ADGRD1: variants seen among roughly 807,000 people sequenced by gnomAD.
ADGRD1 encodes G-protein coupled receptor 133.
A neutral mutation model predicts 113.4 loss-of-function variants in ADGRD1; 77 were observed. The observed-to-expected ratio is 0.68, with a 90% CI of 0.57 to 0.82. ADGRD1 has a LOEUF of 0.82. Ranked by LOEUF, ADGRD1 falls within the 40% of genes least tolerant of loss-of-function variation. The pLI, the probability that ADGRD1 is intolerant of heterozygous loss-of-function variation, is 0.00. For missense variants in ADGRD1, 1,036 were observed against 1,139.1 expected (o/e 0.91, Z 1.30); for synonymous variants, 474 against 475.0 (o/e 1.00, Z 0.03).
At chr12:131,097,381 C>T (rs1400509372) in intron 15 of ADGRD1, among the ~76,000 whole-genome samples, 1 of 140,670 alleles carries the variant, frequency 7.1e-6, no homozygotes, top group Non-Finnish European at 1.5e-5. Flanking sequence ...CGGGGAAGAT[C>T]TCCTGCCTGT....
At chr12:130,963,211 T>C (rs1320002218) in intron 2 of ADGRD1, among the ~76,000 whole-genome samples, 1 of 150,294 alleles carries the variant, frequency 6.7e-6, no homozygotes, top group East Asian at 2.0e-4. Context: ...TCCCAGCTAC[T>C]TGGGAAGCTG....
At chr12:131,089,940 A>C (rs1569020) in intron 15 of ADGRD1, among the ~76,000 whole-genome samples, 14,147 of 152,318 alleles carry the variant, frequency 0.093, 727 homozygotes, top group Middle Eastern at 0.13. Flanking sequence ...ACTAAAGCCC[A>C]GTGTGACTTC....
intron 13 of ADGRD1, chr12:131,069,867 A>C (rs1566081467): frequency 6.6e-6 from 1 of 152,254 alleles, no homozygotes; most frequent in South Asian, 2.1e-4. Context: ...TAGCCTAATG[A>C]GTGAAAATTA....
At position 130,987,247 on chromosome 12, in the gene ADGRD1, G is replaced by A; in HGVS notation, c.643G>A (p.Asp215Asn). ...CAACCTCGTGATAGGGTCTGAGCAG[G>A]ACCAGGCCAAGTGTTATGAGAACGG... The part of the protein sequence containing the change: ...NVNLVIGSEQ[D>N]QAKCYENGAF... Residue 215 changes from aspartate (D) to asparagine (N), a missense_variant, in exon 6 of 25, where the codon GAC (aspartate) becomes AAC (asparagine). Transcript: ENST00000261654. 6.2e-7 allele frequency: 1 copy of A among 1,614,238 alleles called. No homozygotes were observed. The highest frequency in any genetic ancestry group is 1.3e-5 in the African/African-American group (1 of 75,050).
At position 130,984,743 on chromosome 12, in the gene ADGRD1, T is replaced by C. The variant is rs1369517942; in HGVS notation, c.491-2352T>C. On this transcript the variant is annotated intron_variant, in intron 5 of 24. Transcript: ENST00000261654. This position sits in a 1 kb window ranked among gnomAD's most constrained non-coding sequence, Gnocchi z 4.1. ...CCCATTTTAAAAATTGGATTGTTTT[T>C]CTTTCTTTTTTCCTTCCTCCCTTTC... 2.0e-5 allele frequency among the ~76,000 whole-genome samples: 3 copies of C among 151,942 alleles called. No individual in the cohort carries two copies. The highest frequency in any genetic ancestry group is 7.2e-5 in the African/African-American group (3 of 41,394).
chr12:131,107,454 C>G (rs79556382), intron 17 of ADGRD1, among the ~76,000 whole-genome samples: 1 of 149,644 alleles, frequency 6.7e-6, no homozygotes, highest in South Asian at 2.1e-4. Flanking sequence ...TGTCTAAATC[C>G]CAGGGAAGGG....
At chr12:131,090,985 C>A (rs1184570781) in intron 15 of ADGRD1, among the ~76,000 whole-genome samples, 1 of 152,210 alleles carries the variant, frequency 6.6e-6, no homozygotes, top group Non-Finnish European at 1.5e-5. Context: ...GTGCTTCTAA[C>A]TTCTCCTGCT....
chr12:131,040,897 G>A (rs1290621915), intron 13 of ADGRD1, among the ~76,000 whole-genome samples: 1 of 152,246 alleles, frequency 6.6e-6, no homozygotes, highest in Non-Finnish European at 1.5e-5. Flanking sequence ...ATTTACATCA[G>A]ACGATTCTTA....
At chr12:131,108,571 C>T (rs1268412958) in intron 17 of ADGRD1, among the ~76,000 whole-genome samples, 153 bp from the exon 18 acceptor site, 1 of 152,148 alleles carries the variant, frequency 6.6e-6, no homozygotes, top group Non-Finnish European at 1.5e-5. Context: ...ACCCAAATCC[C>T]TGGGCTTGAG....
intron 13 of ADGRD1, among the ~76,000 whole-genome samples, chr12:131,037,891 CCTCA>C (rs1881696735): frequency 6.8e-6 from 1 of 147,062 alleles, no homozygotes; most frequent in Admixed American, 6.8e-5. Flanking sequence ...CCGCACTGAG[CCTCA>C]CTCACCACAC....
chr12:130,968,488 G>C (rs553558734), intron 3 of ADGRD1: 1 of 158,102 alleles, frequency 6.3e-6, no homozygotes, highest in African/African-American at 2.4e-5. Context: ...AATAGCTTTG[G>C]CAAGCCTTTT....
At chr12:131,062,122 A>G (rs1305812050) in intron 13 of ADGRD1, among the ~76,000 whole-genome samples, 4 of 152,010 alleles carry the variant, frequency 2.6e-5, no homozygotes, top group African/African-American at 7.2e-5. Flanking sequence ...CGCCTCCCAG[A>G]TTCAAGCGAT....
intron 15 of ADGRD1, among the ~76,000 whole-genome samples, chr12:131,098,123 A>ACGGTGGCCG (rs1887426175): frequency 8.7e-5 from 2 of 23,092 alleles, no homozygotes; most frequent in East Asian, 0.026. Context: ...CCCCTCTCCC[A>ACGGTGGCCG]CTGTCCTCCC....
intron 2 of ADGRD1, among the ~76,000 whole-genome samples, chr12:130,961,147 C>A (rs907054411): frequency 6.6e-6 from 1 of 152,038 alleles, no homozygotes; most frequent in Non-Finnish European, 1.5e-5. Flanking sequence ...AAAGGTTTCC[C>A]TGAACGCACA....
At position 131,011,947 on chromosome 12, in the gene ADGRD1, C is replaced by T. The variant is rs550551172; in HGVS notation, c.1332-2252C>T. ...GCTGAGTGAGTCAGGCTGGGCGCCG[C>T]GGGGCTTTGCCTTGGTCCCCCCCAA... On this transcript the variant is annotated intron_variant, in intron 12 of 24. Coordinates refer to ENST00000261654, the MANE Select transcript of ADGRD1 (RefSeq NM_198827.5). Among the ~76,000 whole-genome samples the T allele has an allele frequency of 6.6e-5, 10 of 152,282 alleles. No individual in the cohort carries two copies. The South Asian group carries it at 2.1e-3, about 32-fold the overall frequency.
intron 14 of ADGRD1, among the ~76,000 whole-genome samples, chr12:131,080,093 T>G (rs1410221950): frequency 2.0e-5 from 3 of 152,188 alleles, no homozygotes; most frequent in Non-Finnish European, 4.4e-5. Context: ...TATTATTTTC[T>G]AATATAAACA....
In ADGRD1 at chr12:131,113,156, A is replaced by G. The variant is rs538258242; in HGVS notation, c.2041+4279A>G. The stretch of plus-strand genomic sequence containing the variant: ...GCAGGTTTTGGCTGAAGTGCCACAG[A>G]CTCAGTCTTCTTAACAAGATTTAGT... On this transcript the variant is annotated intron_variant, in intron 18 of 24. Coordinates refer to ENST00000261654, the MANE Select transcript of ADGRD1 (RefSeq NM_198827.5). The surrounding 1 kb of genome is among the most constrained non-coding windows in gnomAD (Gnocchi z 4.9). Among the ~76,000 whole-genome samples the G allele has an allele frequency of 6.6e-6, 1 of 152,122 alleles. No individual in the cohort carries two copies. The highest frequency in any genetic ancestry group is 2.1e-4 in the South Asian group (1 of 4,826).
chr12:131,084,745 G>C lies in ADGRD1; in HGVS notation c.1671+82G>C. ...GTGGGGGCGGGAGGATGCTTTGCCC[G>C]CCAGTGCCCACGGGCCCTGGGCACA... On this transcript the variant is annotated intron_variant, in intron 15 of 24. Coordinates refer to ENST00000261654, the MANE Select transcript of ADGRD1 (RefSeq NM_198827.5). This position sits in a 1 kb window ranked among gnomAD's most constrained non-coding sequence, Gnocchi z 4.5. 6.7e-7 allele frequency: 1 copy of C among 1,484,494 alleles called. No homozygotes were observed. Among genetic ancestry groups the C allele is most frequent in the East Asian group, 2.4e-5 (1 of 42,250 alleles). 92.0% of individuals were successfully genotyped at this position (1,484,494 alleles called of 1,614,324 possible).
intron 13 of ADGRD1, among the ~76,000 whole-genome samples, chr12:131,076,114 C>G (rs1885584203): frequency 6.6e-6 from 1 of 152,208 alleles, no homozygotes; most frequent in Non-Finnish European, 1.5e-5. Context: ...GTCTCCGGAA[C>G]AAGGTGGTCT....
Sources: allele counts gnomAD v4.1 joint callset (sites outside exome capture counted in the v4.1 genomes callset), GRCh38; gene constraint gnomAD v4.1.1; non-coding constraint Gnocchi (gnomAD v3.1); transcripts MANE v1.5; gene names NCBI Gene and HGNC (gene_info 2026-07-23, HGNC 2026-07-21).